OPTN: variants seen among roughly 807,000 people sequenced by gnomAD.
The protein encoded by OPTN is optineurin.
Under a neutral mutation model 70.4 loss-of-function variants are expected in OPTN, and 54 were observed. That is an observed-to-expected ratio of 0.77 (90% CI 0.62 to 0.96). OPTN has a LOEUF of 0.96. OPTN is among the 40% of genes least tolerant of loss of function. OPTN has a pLI of 0.00. For missense variants in OPTN, 624 were observed against 673.2 expected, an observed-to-expected ratio of 0.93 and a Z score of 0.81; for synonymous variants, 256 against 248.5, an observed-to-expected ratio of 1.03 and a Z score of -0.28.
intron 1 of OPTN, among the ~76,000 whole-genome samples, chr10:13,106,823 A>G (rs1832875088): frequency 6.6e-6 from 1 of 152,264 alleles, no homozygotes; most frequent in South Asian, 2.1e-4. Context: ...AGAAACAGGC[A>G]GTGCTCTTAT....
At chr10:13,132,548 C>A (rs1426606705) in intron 13 of OPTN, among the ~76,000 whole-genome samples, 2 of 151,918 alleles carry the variant, frequency 1.3e-5, no homozygotes, top group Non-Finnish European at 2.9e-5. Flanking sequence ...CAGGGTCTCA[C>A]TCCTGTCACC....
chr10:13,102,252 G>T (rs140654672), intron 1 of OPTN, among the ~76,000 whole-genome samples: 145 of 152,334 alleles, frequency 9.5e-4, no homozygotes, highest in Admixed American at 2.2e-3. Context: ...CCTTGGGTAC[G>T]AGTGTTTTGG....
rs754385991 is a variant in OPTN at position 13,112,402 on chromosome 10, G to A, written c.370-51G>A. The A allele has an allele frequency of 1.9e-6, 3 of 1,567,738 alleles. 1 individual carries two copies. In the South Asian group the frequency reaches 3.3e-5, roughly 17 times the overall value. ...GCGATTAAGGGCATGAGCCCATGGT[G>A]CCCAGCCTTAGTTTGATCTGTTCAT... is the stretch of plus-strand genomic sequence containing the variant. On this transcript the variant is annotated intron_variant, in intron 4 of 14. Coordinates refer to ENST00000378747, the MANE Select transcript of OPTN (RefSeq NM_001008212.2).
At chr10:13,134,174 C>T (rs1403477521) in intron 14 of OPTN, among the ~76,000 whole-genome samples, 4 of 152,202 alleles carry the variant, frequency 2.6e-5, no homozygotes, top group Non-Finnish European at 5.9e-5. Flanking sequence ...ACTGAATCAT[C>T]CCCTTGAACT....
intron 9 of OPTN, among the ~76,000 whole-genome samples, chr10:13,124,824 A>G (rs1403224498): frequency 6.6e-6 from 1 of 152,204 alleles, no homozygotes; most frequent in Non-Finnish European, 1.5e-5. Context: ...ATTTATTTCA[A>G]TTCTCTGAGC....
chr10:13,111,897 G>C (rs1004841376), intron 4 of OPTN, among the ~76,000 whole-genome samples: 2 of 135,160 alleles, frequency 1.5e-5, no homozygotes, highest in African/African-American at 2.8e-5. Flanking sequence ...GCCCAGGCTG[G>C]AGTACAGTGG....
chr10:13,114,971 A>T (rs868066987), intron 5 of OPTN, among the ~76,000 whole-genome samples: 2 of 7,326 alleles, frequency 2.7e-4, no homozygotes, highest in Non-Finnish European at 6.0e-4. Context: ...ATTTATATAT[A>T]TTTATATATA....
In OPTN at chr10:13,125,984, T is replaced by C; in HGVS notation, c.1187T>C (p.Leu396Pro). The change falls in exon 11 of 15, where the codon CTT becomes CCT. Residue 396 changes from leucine (L) to proline (P), a missense_variant. By Grantham distance (98) the Leu-to-Pro change is moderately conservative. Coordinates refer to ENST00000378747, the MANE Select transcript of OPTN (RefSeq NM_001008212.2). ...LTVLQMTHNK[L>P]LQEHNNALKT... ...GTGCTACAGATGACACACAACAAGCTTCTTCAAGAACATAATAATGCATTG... is the reference window on the plus strand; with the variant it reads ...GTGCTACAGATGACACACAACAAGCCTCTTCAAGAACATAATAATGCATTG... The C allele has an allele frequency of 1.9e-6, 3 of 1,612,970 alleles. No homozygotes were observed. Among genetic ancestry groups the C allele is most frequent in the Non-Finnish European group, 2.5e-6 (3 of 1,179,028 alleles).
intron 1 of OPTN, among the ~76,000 whole-genome samples, chr10:13,106,519 C>T (rs1832868213): frequency 6.6e-6 from 1 of 152,180 alleles, no homozygotes; most frequent in African/African-American, 2.4e-5. Flanking sequence ...CGTAAGATTG[C>T]CATCACCCTC....
chr10:13,113,774 C>T (rs146179691), intron 5 of OPTN, among the ~76,000 whole-genome samples: 24 of 152,238 alleles, frequency 1.6e-4, no homozygotes, highest in Admixed American at 1.6e-3. Context: ...GGAAAAGGGA[C>T]TGGCCGGGTG....
intron 1 of OPTN, among the ~76,000 whole-genome samples, chr10:13,101,042 G>T (rs903956734): frequency 6.6e-6 from 1 of 152,242 alleles, no homozygotes; most frequent in African/African-American, 2.4e-5. Context: ...GGTGCAGGCT[G>T]TGTGAACAGA....
At chr10:13,114,607 C>G (rs1833080809) in intron 5 of OPTN, among the ~76,000 whole-genome samples, 1 of 148,836 alleles carries the variant, frequency 6.7e-6, no homozygotes, top group Middle Eastern at 3.5e-3. Flanking sequence ...GAAGAAACAT[C>G]AAAAATATCT....
At chr10:13,135,849 C>T (rs1833687656) in intron 14 of OPTN, among the ~76,000 whole-genome samples, 1 of 152,076 alleles carries the variant, frequency 6.6e-6, no homozygotes, top group Non-Finnish European at 1.5e-5. Context: ...TTGTCCTGTA[C>T]CTAGAACTGA....
intron 4 of OPTN, among the ~76,000 whole-genome samples, chr10:13,111,687 CTCTG>C (rs970219874): frequency 7.9e-5 from 12 of 151,538 alleles, no homozygotes; most frequent in African/African-American, 2.2e-4. Flanking sequence ...CAGAGTGAGA[CTCTG>C]TCTGGGAAAA....
In OPTN at chr10:13,112,760, T is replaced by C. The variant is rs143575465; in HGVS notation, c.552+125T>C. 2.4e-4 allele frequency: 220 copies of C among 933,990 alleles called. No individual in the cohort carries two copies. In the East Asian group the frequency reaches 5.1e-3, roughly 21 times the overall value. The allele number at this position is 933,990 out of a possible 1,614,324, so 57.9% of individuals were successfully genotyped here. ...TGAGGAAATTCCAGTGTAGCAAAGA[T>C]AAATTGGCTCTCATTTTCTAAGTAT... On this transcript the variant is annotated intron_variant, in intron 5 of 14. Transcript: ENST00000378747.
rs1833407271 is a variant in OPTN at position 13,124,004 on chromosome 10, G to T, written c.892G>T (p.Glu298Ter). The change falls in exon 9 of 15, where the codon GAA (glutamate) becomes TAA (stop). Residue 298 changes from glutamate (E) to a stop codon, truncating the protein, a stop_gained. Transcript: ENST00000378747. LOFTEE classifies it high-confidence loss of function. The stretch of plus-strand genomic sequence containing the variant: ...ATTTCCCGTATGATAGGTTGGAAGC[G>T]AAGTGGAAGCACTGAACCTCCAGGT... ...EEKGPETVGS[E>*]VEALNLQVTS... The T allele has an allele frequency of 6.2e-7, 1 of 1,612,762 alleles. No homozygotes were observed. Among genetic ancestry groups the T allele is most frequent in the East Asian group, 2.2e-5 (1 of 44,858 alleles).
At chr10:13,115,317 CAT>C (rs547176401) in intron 5 of OPTN, among the ~76,000 whole-genome samples, 2,278 of 88,600 alleles carry the variant, frequency 0.026, 83 homozygotes, top group African/African-American at 0.073. Flanking sequence ...TATAATATAA[CAT>C]AGAATATAGA....
chr10:13,122,374 T>C lies in OPTN; in HGVS notation c.780-11T>C. ...GAGAAAGTAACTTTTCTATCTTCTG[T>C]GATTTTCCAGAGTTTCAGATTTTGA... On this transcript the variant is annotated splice_polypyrimidine_tract_variant and intron_variant, in intron 7 of 14. Transcript: ENST00000378747. 1 of 1,589,740 alleles carries C rather than the reference T, an allele frequency of 6.3e-7. No individual in the cohort carries two copies. Among genetic ancestry groups the C allele is most frequent in the Non-Finnish European group, 8.6e-7 (1 of 1,157,830 alleles).
At chr10:13,110,609 G>C in intron 4 of OPTN, 133 bp downstream of exon 4, 1 of 899,504 alleles carries the variant, frequency 1.1e-6, no homozygotes, top group South Asian at 1.5e-5. Flanking sequence ...CCTGGTCTTG[G>C]AAGAAGTGCT....
Sources: gnomAD v4.1 joint callset for allele counts (sites outside exome capture counted in the v4.1 genomes callset) on GRCh38, gnomAD v4.1.1 for gene constraint, MANE v1.5 for transcripts, NCBI Gene and HGNC (gene_info 2026-07-23, HGNC 2026-07-21) for gene names.